ACAN: variants seen among roughly 807,000 people sequenced by gnomAD.
ACAN encodes the protein aggrecan.
In ACAN, 47 loss-of-function variants were observed where a neutral mutation model predicts 169.1. The observed-to-expected ratio is 0.28, with a 90% confidence interval of 0.22 to 0.35. The LOEUF (loss-of-function observed/expected upper bound fraction) is 0.35. Among genes scored for constraint, ACAN ranks in the 10% least tolerant of loss-of-function variants. ACAN has a pLI of 1.00. For synonymous variants in ACAN, 1,115 were observed against 1,112.2 expected (o/e 1.00, Z -0.05); for missense variants, 2,716 against 2,759.9 (o/e 0.98, Z 0.36).
At chr15:88,840,232 A>G (rs1454657924) in intron 4 of ACAN, 46 bp downstream of exon 4, 8 of 1,520,050 alleles carry the variant, frequency 5.3e-6, no homozygotes, top group Non-Finnish European at 5.3e-6. Flanking sequence ...GTCAGCAGCC[A>G]CAGGGGAGTG....
rs558322764 is a variant in ACAN at position 88,853,375 on chromosome 15, C to T, written c.2266+1342C>T. On this transcript the variant is annotated intron_variant, in intron 11 of 18. Transcript: ENST00000560601. The stretch of plus-strand genomic sequence containing the variant: ...ATGTAGGGCTGAGTACGGTGGCTTA[C>T]ACCTGTAATCCCAGCACTTTGGGAG... Among the ~76,000 whole-genome samples the T allele has an allele frequency of 5.9e-5, 9 of 152,308 alleles. No homozygotes were observed. The South Asian group carries it at 1.4e-3, about 25-fold the overall frequency.
chr15:88,839,964 C>G lies in ACAN; in HGVS notation c.455-48C>G, dbSNP rs374851868. On this transcript the variant is annotated intron_variant, in intron 3 of 18. Coordinates refer to ENST00000560601, the MANE Select transcript of ACAN (RefSeq NM_001369268.1). This position sits in a 1 kb window ranked among gnomAD's most constrained non-coding sequence, Gnocchi z 4.5. ...CTGCGAGGGCCTCGGTGATCAGAGA[C>G]TGTGCCTGACCAGCTCTTCCGCTTG... 1 of 1,559,588 alleles carries G rather than the reference C, an allele frequency of 6.4e-7. No individual in the cohort carries two copies. Among genetic ancestry groups the G allele is most frequent in the African/African-American group, 1.4e-5 (1 of 73,754 alleles).
At chr15:88,812,068 G>A (rs1167348055) in intron 1 of ACAN, among the ~76,000 whole-genome samples, 3 of 152,282 alleles carry the variant, frequency 2.0e-5, no homozygotes, top group South Asian at 4.1e-4. Flanking sequence ...ACTCCTGAGC[G>A]GGAGGAGGGT....
chr15:88,811,090 G>GT (rs1301952554), intron 1 of ACAN, among the ~76,000 whole-genome samples: 1 of 152,114 alleles, frequency 6.6e-6, no homozygotes, highest in Non-Finnish European at 1.5e-5. Flanking sequence ...GTTCTCCAAG[G>GT]TGGTTTGTAT....
Position 88,855,327 on chromosome 15 carries a change from G to A in ACAN, c.2742G>A (p.Val914=), listed in dbSNP as rs780636375. 1 of 1,612,434 alleles carries A rather than the reference G, an allele frequency of 6.2e-7. No individual in the cohort carries two copies. Among genetic ancestry groups the A allele is most frequent in the South Asian group, 1.1e-5 (1 of 91,074 alleles). Residue 914 remains valine, a synonymous_variant, in exon 12 of 19, where the codon GTG becomes GTA. Coordinates refer to ENST00000560601, the MANE Select transcript of ACAN (RefSeq NM_001369268.1). ...LTSTVGSGLP[V]ESGLPSGDEE... is the part of the protein sequence containing the mutation. The stretch of plus-strand genomic sequence containing the variant: ...CCACAGTGGGCTCAGGCCTGCCTGT[G>A]GAAAGTGGACTACCCTCAGGGGATG...
intron 4 of ACAN, 33 bp from the exon 5 acceptor site, chr15:88,841,707 G>A: frequency 1.9e-6 from 3 of 1,613,260 alleles, no homozygotes; most frequent in Non-Finnish European, 2.5e-6. Context: ...TTTGTCCCCT[G>A]AGTGTCACAC....
chr15:88,817,997 A>G (rs1567165616), intron 1 of ACAN, among the ~76,000 whole-genome samples: 2 of 152,190 alleles, frequency 1.3e-5, no homozygotes, highest in African/African-American at 4.8e-5. Flanking sequence ...TATACAGAAA[A>G]ATAGAATGGA....
At position 88,861,035 on chromosome 15, in the gene ACAN, G is replaced by A. The variant is rs547320400; in HGVS notation, c.6946+596G>A. ...TTTGTCCTTAGCTATGGGTGAAGCA[G>A]CCTGTGGGATGGGTGGAGAGGCTGG... On this transcript the variant is annotated intron_variant, in intron 13 of 18. Transcript: ENST00000560601. The surrounding 1 kb of genome is among the most constrained non-coding windows in gnomAD (Gnocchi z 6.3). Among the ~76,000 whole-genome samples, 10 of 152,328 alleles carry A rather than the reference G, an allele frequency of 6.6e-5. No homozygotes were observed. The East Asian group carries it at 1.9e-3, about 29-fold the overall frequency.
Position 88,830,515 on chromosome 15 carries a change from T to C in ACAN, c.-7-5685T>C, listed in dbSNP as rs1896332273. Among the ~76,000 whole-genome samples the C allele has an allele frequency of 2.0e-5, 3 of 152,170 alleles. No individual in the cohort carries two copies. The South Asian group carries it at 6.2e-4, about 32-fold the overall frequency. ...GACACACCCATACAGCATGTTACTG[T>C]ACTGAATACTGTATTTTTACTGTAC... On this transcript the variant is annotated intron_variant, in intron 1 of 18. Coordinates refer to ENST00000560601, the MANE Select transcript of ACAN (RefSeq NM_001369268.1).
rs1223936347 is a variant in ACAN at position 88,869,789 on chromosome 15, A to T, written c.7060+1460A>T. Among the ~76,000 whole-genome samples the T allele has an allele frequency of 6.6e-6, 1 of 152,076 alleles. No homozygotes were observed. Among genetic ancestry groups the T allele is most frequent in the Admixed American group, 6.5e-5 (1 of 15,280 alleles). On this transcript the variant is annotated intron_variant, in intron 14 of 18. Transcript: ENST00000560601. This position sits in a 1 kb window ranked among gnomAD's most constrained non-coding sequence, Gnocchi z 4.2. ...CATCTCCTCTCCCATTCCAATCCTG[A>T]GTCCTCACCACTCCACGGTGCCTCC... is the stretch of plus-strand genomic sequence containing the variant.
At chr15:88,827,241 G>A (rs1395287366) in intron 1 of ACAN, among the ~76,000 whole-genome samples, 1 of 152,150 alleles carries the variant, frequency 6.6e-6, no homozygotes, top group East Asian at 1.9e-4. Flanking sequence ...AGACGGCAGT[G>A]GCAGATTAGG....
Position 88,851,336 on chromosome 15 carries a change from A to G in ACAN, c.2027-458A>G, listed in dbSNP as rs1382936848. 1.9e-5 allele frequency: 3 copies of G among 156,786 alleles called. No individual in the cohort carries two copies. The highest frequency in any genetic ancestry group is 1.9e-4 in the East Asian group (1 of 5,398). 9.7% of individuals were successfully genotyped at this position (156,786 alleles called of 1,614,324 possible). A position where few individuals can be genotyped will look rare whatever the true frequency, so the allele number is the denominator to read the frequency against. ...CTTGGAACATAATCCCTGTCCCCCA[A>G]GGTTGTTCAGTAGTTGAGAGCGTGG... On this transcript the variant is annotated intron_variant, in intron 10 of 18. Transcript: ENST00000560601. This position sits in a 1 kb window ranked among gnomAD's most constrained non-coding sequence, Gnocchi z 4.3.
chr15:88,852,152 G>C (rs1174834181), intron 11 of ACAN, 119 bp downstream of exon 11: 3 of 1,397,322 alleles, frequency 2.1e-6, no homozygotes, highest in Non-Finnish European at 2.9e-6. Flanking sequence ...CCCCAGCCCT[G>C]ACACTGGCTG....
intron 9 of ACAN, among the ~76,000 whole-genome samples, chr15:88,848,838 C>A (rs1596139529): frequency 1.3e-5 from 2 of 152,316 alleles, no homozygotes; most frequent in South Asian, 4.2e-4. Flanking sequence ...ATATGTACAT[C>A]AGAGGTTTTT....
intron 1 of ACAN, among the ~76,000 whole-genome samples, chr15:88,823,228 C>T: frequency 6.6e-6 from 1 of 152,170 alleles, no homozygotes. Flanking sequence ...AGATCCCTGC[C>T]CAGGAAAGGT....
intron 1 of ACAN, among the ~76,000 whole-genome samples, chr15:88,812,136 CG>C (rs1219231476): frequency 1.3e-5 from 2 of 152,170 alleles, no homozygotes; most frequent in Non-Finnish European, 2.9e-5. Flanking sequence ...GTTAGCGCCT[CG>C]GCCTCCTGCA....
chr15:88,840,111 C>A lies in ACAN; in HGVS notation c.554C>A (p.Pro185His). ...CLQNSAIIAT[P>H]EQLQAAYEDG... is the part of the protein sequence containing the mutation. Reference sequence around the variant, plus strand: ...CAGAACAGTGCCATCATTGCCACGCCTGAGCAGCTGCAGGCCGCCTACGAA... The same window carrying A: ...CAGAACAGTGCCATCATTGCCACGCATGAGCAGCTGCAGGCCGCCTACGAA... Residue 185 changes from proline (P) to histidine (H), a missense_variant, in exon 4 of 19, where the codon CCT (proline) becomes CAT (histidine). This residue lies in a region of ACAN where 1,283 missense variants were observed against 1,281.5 expected (regional missense o/e 1.00). Transcript: ENST00000560601. 1 of 1,605,834 alleles carries A rather than the reference C, an allele frequency of 6.2e-7. No homozygotes were observed. Among genetic ancestry groups the A allele is most frequent in the African/African-American group, 1.3e-5 (1 of 74,952 alleles).
Position 88,857,233 on chromosome 15 carries a change from T to C in ACAN, c.4648T>C (p.Ser1550Pro). 3 of 1,613,738 alleles carry C rather than the reference T, an allele frequency of 1.9e-6. No individual in the cohort carries two copies. Among genetic ancestry groups the C allele is most frequent in the Non-Finnish European group, 2.5e-6 (3 of 1,179,854 alleles). Residue 1550 changes from serine to proline, a missense_variant, in exon 12 of 19, where the codon TCT (serine) becomes CCT (proline). Physicochemically the swap from Ser to Pro is moderately conservative, Grantham distance 74. Transcript: ENST00000560601. Reference protein sequence around the residue: ...SGFGDLSGLPSGGEGLETSAS... With the variant: ...SGFGDLSGLPPGGEGLETSAS... The stretch of plus-strand genomic sequence containing the variant: ...ATTTGGGGACCTCAGTGGACTTCCT[T>C]CTGGAGGAGAAGGTCTAGAGACCTC...
intron 1 of ACAN, among the ~76,000 whole-genome samples, chr15:88,821,851 C>G (rs1438440421): frequency 6.6e-6 from 1 of 152,062 alleles, no homozygotes; most frequent in Non-Finnish European, 1.5e-5. Flanking sequence ...CAGAACTCAG[C>G]AAAACTGTTA....
Sources: allele counts gnomAD v4.1 joint callset (sites outside exome capture counted in the v4.1 genomes callset), GRCh38; gene constraint gnomAD v4.1.1; regional missense constraint gnomAD v4.1.1; non-coding constraint Gnocchi (gnomAD v3.1); transcripts MANE v1.5; gene names NCBI Gene and HGNC (gene_info 2026-07-23, HGNC 2026-07-21).